NOXRED1: variants seen among roughly 807,000 people sequenced by gnomAD.
NOXRED1 encodes the protein NADP-dependent oxidoreductase domain-containing protein 1.
Under a neutral mutation model 30.4 loss-of-function variants are expected in NOXRED1, and 20 were observed. The observed-to-expected ratio is 0.66, with a 90% CI of 0.46 to 0.96. The LOEUF (loss-of-function observed/expected upper bound fraction) is 0.96, where lower values mean the gene tolerates loss of function less well. Ranked by LOEUF, NOXRED1 falls within the 40% of genes least tolerant of loss-of-function variation. The probability of loss-of-function intolerance (pLI) is 0.00; values close to 1 mark genes in which losing one functional copy is unlikely to be tolerated. For synonymous variants in NOXRED1, 155 were observed against 168.0 expected (o/e 0.92, Z 0.60); for missense variants, 374 against 428.0 (o/e 0.87, Z 1.11).
chr14:77,404,612 A>AATGAAAAGAAGTATAGC, intron 5 of NOXRED1, among the ~76,000 whole-genome samples: 1 of 152,190 alleles, frequency 6.6e-6, no homozygotes, highest in Non-Finnish European at 1.5e-5. Context: ...CAAAGTATAG[A>AATGAAAAGAAGTATAGC]ATGAAAAGAA....
At chr14:77,406,375 G>A in intron 4 of NOXRED1, 2 of 595,578 alleles carry the variant, frequency 3.4e-6, no homozygotes, top group Non-Finnish European at 6.0e-6. Flanking sequence ...CATTGCTAAT[G>A]GCAAAAAGTG....
intron 5 of NOXRED1, among the ~76,000 whole-genome samples, chr14:77,401,762 A>G (rs1894332039): frequency 6.6e-6 from 1 of 152,256 alleles, no homozygotes; most frequent in African/African-American, 2.4e-5. Flanking sequence ...GAACAAAGTC[A>G]GAGGAGTAAC....
chr14:77,406,640 G>A lies in NOXRED1; in HGVS notation c.682+84C>T, dbSNP rs112468949. ...ACACACACACACACACACACAGAGA[G>A]AGAGAGATTGATTTAATAAGATAGC... On this transcript the variant is annotated intron_variant, in intron 4 of 5. Coordinates refer to ENST00000380835, the MANE Select transcript of NOXRED1 (RefSeq NM_001113475.3). 5.2e-6 allele frequency: 6 copies of A among 1,147,182 alleles called. No homozygotes were observed. The African/African-American group carries it at 8.4e-5, about 16-fold the overall frequency. 71.1% of individuals were successfully genotyped at this position (1,147,182 alleles called of 1,614,324 possible). A position where few individuals can be genotyped will look rare whatever the true frequency, so the allele number is the denominator to read the frequency against.
intron 2 of NOXRED1, among the ~76,000 whole-genome samples, chr14:77,412,634 G>A (rs990618707): frequency 2.0e-5 from 3 of 151,906 alleles, no homozygotes; most frequent in Admixed American, 6.6e-5. Flanking sequence ...TGCCTCAGCC[G>A]CCTGAGTAGC....
At chr14:77,399,684 G>A (rs1288029622) in intron 5 of NOXRED1, among the ~76,000 whole-genome samples, 1 of 152,032 alleles carries the variant, frequency 6.6e-6, no homozygotes, top group Non-Finnish European at 1.5e-5. Context: ...AAACTGAAAA[G>A]CAAAGAAAAC....
At chr14:77,403,174 A>G (rs561778242) in intron 5 of NOXRED1, among the ~76,000 whole-genome samples, 20 of 152,330 alleles carry the variant, frequency 1.3e-4, no homozygotes, top group Middle Eastern at 3.4e-3. Flanking sequence ...AAAATTTGAA[A>G]TAGATTTTCT....
intron 2 of NOXRED1, 95 bp downstream of exon 2, chr14:77,413,839 G>C (rs920636026): frequency 1.3e-6 from 1 of 786,100 alleles, no homozygotes; most frequent in Non-Finnish European, 1.9e-6. Flanking sequence ...CACGCTGTAT[G>C]CAAGGATTCC....
At chr14:77,415,209 C>T (rs984088474) in intron 1 of NOXRED1, among the ~76,000 whole-genome samples, 15 of 113,234 alleles carry the variant, frequency 1.3e-4, no homozygotes, top group Admixed American at 6.6e-4. Flanking sequence ...CACACACACA[C>T]ACACACACAC....
chr14:77,417,995 A>G (rs966897071), intron 1 of NOXRED1, among the ~76,000 whole-genome samples: 6 of 151,936 alleles, frequency 3.9e-5, no homozygotes, highest in South Asian at 2.1e-4. Context: ...GTAACAACCT[A>G]TTTTAAGATG....
In NOXRED1 at chr14:77,417,013, A is replaced by T. The variant is rs369605597; in HGVS notation, c.156-2886T>A. Among the ~76,000 whole-genome samples the T allele has an allele frequency of 1.4e-4, 21 of 151,988 alleles. No homozygotes were observed. In the South Asian group the frequency reaches 1.7e-3, roughly 12 times the overall value. On this transcript the variant is annotated intron_variant, in intron 1 of 5. Transcript: ENST00000380835. ...TATGTTGTTTTCATTTTCACTTAAGATATTTTCAAATTTTCCTTGTGATTT... is the reference window on the plus strand; with the variant it reads ...TATGTTGTTTTCATTTTCACTTAAGTTATTTTCAAATTTTCCTTGTGATTT...
At chr14:77,409,993 G>A (rs1894601432) in intron 2 of NOXRED1, among the ~76,000 whole-genome samples, 1 of 151,960 alleles carries the variant, frequency 6.6e-6, no homozygotes, top group Admixed American at 6.6e-5. Flanking sequence ...AGCAGAGATG[G>A]GGTTTCATCA....
chr14:77,399,233 G>T (rs2139664630), intron 5 of NOXRED1, among the ~76,000 whole-genome samples: 1 of 152,200 alleles, frequency 6.6e-6, no homozygotes, highest in Non-Finnish European at 1.5e-5. Flanking sequence ...CGAGGTGGGA[G>T]GATTGTTTGA....
chr14:77,406,866 T>G lies in NOXRED1; in HGVS notation c.540A>C (p.Leu180=), dbSNP rs755507866. 8 of 1,613,596 alleles carry G rather than the reference T, an allele frequency of 5.0e-6. No homozygotes were observed. Among genetic ancestry groups the G allele is most frequent in the Non-Finnish European group, 6.8e-6 (8 of 1,179,778 alleles). ...VAAIPLPRLK[L]LLNHTNILRP... is the part of the protein sequence containing the mutation. ...GCAAGATATTGGTGTGGTTCAACAGTAGTTTCAGCCTGGAAGTAAAGCCAA... is the reference window on the plus strand; with the variant it reads ...GCAAGATATTGGTGTGGTTCAACAGGAGTTTCAGCCTGGAAGTAAAGCCAA... The change falls in exon 4 of 6, where the codon CTA becomes CTC. Residue 180 remains leucine (L), a synonymous_variant. Transcript: ENST00000380835.
At chr14:77,424,994 G>C (rs533716513), upstream of NOXRED1, among the ~76,000 whole-genome samples, 3 of 152,164 alleles carry the variant, frequency 2.0e-5, no homozygotes, top group Non-Finnish European at 4.4e-5. Context: ...CATCTTCCCT[G>C]GTTCCTTCTT....
At chr14:77,415,359 CA>C (rs1894782551) in intron 1 of NOXRED1, among the ~76,000 whole-genome samples, 1 of 152,124 alleles carries the variant, frequency 6.6e-6, no homozygotes, top group African/African-American at 2.4e-5. Flanking sequence ...CACTTGAGGT[CA>C]AAAGTTTAAG....
rs1894954258 is a variant in NOXRED1 at position 77,420,309 on chromosome 14, G to A, written c.155+2426C>T. Among the ~76,000 whole-genome samples, 4 of 151,662 alleles carry A rather than the reference G, an allele frequency of 2.6e-5. No homozygotes were observed. The South Asian group carries it at 8.3e-4, about 32-fold the overall frequency. ...TTGTGCTCTCCAGCTCCAAATTTTG[G>A]TTCTTAGTTTCTCTTTATGATATTA... On this transcript the variant is annotated intron_variant, in intron 1 of 5. Transcript: ENST00000380835.
intron 5 of NOXRED1, among the ~76,000 whole-genome samples, chr14:77,400,977 AATACT>A (rs1382910500): frequency 6.6e-6 from 1 of 152,240 alleles, no homozygotes; most frequent in East Asian, 1.9e-4. Context: ...AAGAAGACTC[AATACT>A]ATAAAGATGC....
intron 2 of NOXRED1, among the ~76,000 whole-genome samples, chr14:77,411,342 C>T (rs756114367): frequency 5.3e-5 from 8 of 151,392 alleles, no homozygotes; most frequent in Admixed American, 4.6e-4. Flanking sequence ...TGGTGGTGAG[C>T]GCATGTAATC....
chr14:77,416,010 C>T (rs1401659200), intron 1 of NOXRED1, among the ~76,000 whole-genome samples: 4 of 152,088 alleles, frequency 2.6e-5, no homozygotes, highest in African/African-American at 7.2e-5. Flanking sequence ...CCACCACACC[C>T]GACCTGAAAC....
Sources: gnomAD v4.1 joint callset for allele counts (sites outside exome capture counted in the v4.1 genomes callset) on GRCh38, gnomAD v4.1.1 for gene constraint, MANE v1.5 for transcripts, NCBI Gene and HGNC (gene_info 2026-07-23, HGNC 2026-07-21) for gene names.